FBN2: variants seen among roughly 807,000 people sequenced by gnomAD.
FBN2 encodes fibrillin-2.
A neutral mutation model predicts 355.6 loss-of-function variants in FBN2; 105 were observed. The ratio of observed to expected loss-of-function variants is 0.30; its 90% CI spans 0.25 to 0.35. The LOEUF (loss-of-function observed/expected upper bound fraction) is 0.35, where lower values mean the gene tolerates loss of function less well. Among genes scored for constraint, FBN2 ranks in the 10% least tolerant of loss-of-function variants. The pLI is 1.00. For missense variants in FBN2, 3,280 were observed against 3,758.7 expected (o/e 0.87, Z 3.33); for synonymous variants, 1,350 against 1,301.2 (o/e 1.04, Z -0.81).
At chr5:128,287,612 C>A (rs781646411) in intron 53 of FBN2, among the ~76,000 whole-genome samples, 182 bp from the exon 54 acceptor site, 3 of 152,086 alleles carry the variant, frequency 2.0e-5, no homozygotes, top group African/African-American at 7.2e-5. Context: ...CTATAAACTC[C>A]GGAAAGAATA....
intron 55 of FBN2, among the ~76,000 whole-genome samples, chr5:128,285,094 G>A (rs905888376): frequency 8.5e-5 from 13 of 152,236 alleles, no homozygotes; most frequent in East Asian, 1.9e-4. Context: ...TCAAGTTTCC[G>A]TCTCTGATTA....
chr5:128,536,413 T>TG lies in FBN2; in HGVS notation c.325dup (p.Gln109ProfsTer8). Reference sequence around the variant, plus strand: ...TGCCAAGCACTCACGGACAATGCACTGGTTTCCTCCAGGGAGCGTCTTCCA... The same window carrying TG: ...TGCCAAGCACTCACGGACAATGCACTGGGTTTCCTCCAGGGAGCGTCTTCCA... On this transcript the variant is annotated frameshift_variant, in exon 2 of 65. Coordinates refer to ENST00000262464, the MANE Select transcript of FBN2 (RefSeq NM_001999.4). LOFTEE classifies it high-confidence loss of function. 1 of 1,613,982 alleles carries TG rather than the reference T, an allele frequency of 6.2e-7. No individual in the cohort carries two copies. Among genetic ancestry groups the TG allele is most frequent in the Non-Finnish European group, 8.5e-7 (1 of 1,179,922 alleles).
In FBN2 at chr5:128,303,007, TG is replaced by T; in HGVS notation, c.5882del (p.Pro1961GlnfsTer14). The T allele has an allele frequency of 6.2e-7, 1 of 1,609,604 alleles. No homozygotes were observed. Among genetic ancestry groups the T allele is most frequent in the Non-Finnish European group, 8.5e-7 (1 of 1,175,966 alleles). On this transcript the variant is annotated frameshift_variant, in exon 46 of 65. Coordinates refer to ENST00000262464, the MANE Select transcript of FBN2 (RefSeq NM_001999.4). LOFTEE classifies it high-confidence loss of function. Reference sequence around the variant, plus strand: ...CATTATTATGAGTGAGTTCAAACCCTGGGTAGCACAGACAGTTATAGGATCC... The same window carrying T: ...CATTATTATGAGTGAGTTCAAACCCTGGTAGCACAGACAGTTATAGGATCC... ...TVGSYNCLCYPGFELTHNNDC... is the reference protein window; with the variant it reads ...TVGSYNCLCYXGFELTHNNDC...
intron 4 of FBN2, among the ~76,000 whole-genome samples, chr5:128,521,314 G>T (rs1043593138): frequency 1.8e-4 from 27 of 152,204 alleles, no homozygotes; most frequent in African/African-American, 6.5e-4. Flanking sequence ...GGAACTGAAC[G>T]ATGAGAACAC....
intron 7 of FBN2, among the ~76,000 whole-genome samples, chr5:128,430,958 C>T (rs766253758): frequency 5.3e-5 from 8 of 152,156 alleles, no homozygotes; most frequent in Non-Finnish European, 8.8e-5. Flanking sequence ...ACTCATATCC[C>T]ATGTAGTGTA....
At chr5:128,440,145 T>C (rs1356095301) in intron 7 of FBN2, among the ~76,000 whole-genome samples, 3 of 152,234 alleles carry the variant, frequency 2.0e-5, no homozygotes, top group African/African-American at 4.8e-5. Flanking sequence ...TGTTTTAGTA[T>C]CTAAAATGTC....
rs951214251 is a variant in FBN2, at chr5:128,269,462, A to G, written c.7960+2537T>C. On this transcript the variant is annotated intron_variant, in intron 62 of 64. Coordinates refer to ENST00000262464, the MANE Select transcript of FBN2 (RefSeq NM_001999.4). ...CGACAGAGTGAGACTCCACCCCAAA[A>G]AAAAAACAAAAACCCAACAAACCAT... 5.9e-5 allele frequency among the ~76,000 whole-genome samples: 9 copies of G among 151,486 alleles called. No individual in the cohort carries two copies. The South Asian group carries it at 1.9e-3, about 32-fold the overall frequency.
At chr5:128,379,368 CT>C (rs574396360) in intron 11 of FBN2, among the ~76,000 whole-genome samples, 4 of 151,732 alleles carry the variant, frequency 2.6e-5, no homozygotes, top group Admixed American at 6.6e-5. Context: ...TTTGGTATAA[CT>C]TTTTTTTGGT....
intron 2 of FBN2, among the ~76,000 whole-genome samples, chr5:128,531,011 C>T (rs1013374189): frequency 2.6e-5 from 4 of 152,092 alleles, no homozygotes; most frequent in African/African-American, 9.7e-5. Context: ...TACTGGGTAT[C>T]TACCCAGAGG....
intron 17 of FBN2, 120 bp from the exon 18 acceptor site, chr5:128,364,845 GCC>G: frequency 1.2e-6 from 1 of 849,468 alleles, no homozygotes; most frequent in Non-Finnish European, 1.9e-6. Flanking sequence ...CTCACAATTT[GCC>G]TGCCTTTCAG....
chr5:128,465,543 G>C (rs1047162331), intron 5 of FBN2, among the ~76,000 whole-genome samples: 2 of 152,328 alleles, frequency 1.3e-5, no homozygotes, highest in South Asian at 2.1e-4. Context: ...TAAACTGCCT[G>C]TAAATATTCA....
chr5:128,493,565 G>A (rs1009430286), intron 5 of FBN2, among the ~76,000 whole-genome samples: 1 of 151,988 alleles, frequency 6.6e-6, no homozygotes, highest in South Asian at 2.1e-4. Context: ...CCTTCATAAA[G>A]GGCCTTCTAT....
intron 7 of FBN2, among the ~76,000 whole-genome samples, chr5:128,411,567 C>T (rs1036822877): frequency 6.6e-6 from 1 of 152,208 alleles, no homozygotes; most frequent in African/African-American, 2.4e-5. Flanking sequence ...CTCTTCTCCT[C>T]TCGACATTCA....
At chr5:128,431,250 G>C (rs1296286224) in intron 7 of FBN2, among the ~76,000 whole-genome samples, 1 of 152,210 alleles carries the variant, frequency 6.6e-6, no homozygotes, top group African/African-American at 2.4e-5. Context: ...AAAATAATAA[G>C]ATCCTGAGTT....
chr5:128,372,815 T>C (rs940654210), intron 15 of FBN2, among the ~76,000 whole-genome samples: 1 of 152,064 alleles, frequency 6.6e-6, no homozygotes, highest in African/African-American at 2.4e-5. Flanking sequence ...TTTGCAGAGA[T>C]AGGGTTTTAC....
intron 8 of FBN2, among the ~76,000 whole-genome samples, chr5:128,401,508 C>A (rs1407238058): frequency 2.0e-5 from 3 of 152,126 alleles, no homozygotes; most frequent in African/African-American, 7.2e-5. Flanking sequence ...GCTGGCTGGG[C>A]ACAGTGGCTC....
chr5:128,349,466 T>C lies in FBN2; in HGVS notation c.2870A>G (p.Asn957Ser). 1 of 1,613,940 alleles carries C rather than the reference T, an allele frequency of 6.2e-7. No homozygotes were observed. Among genetic ancestry groups the C allele is most frequent in the East Asian group, 2.2e-5 (1 of 44,866 alleles). The change falls in exon 23 of 65, where the codon AAT becomes AGT. Residue 957 changes from asparagine (N) to serine (S), a missense_variant. Coordinates refer to ENST00000262464, the MANE Select transcript of FBN2 (RefSeq NM_001999.4). Reference protein sequence around the residue: ...RIKGVTCEDVNECEVFPGVCP... With the variant: ...RIKGVTCEDVSECEVFPGVCP... Reference sequence around the variant, plus strand: ...AACGCCAGGGAACACCTCACACTCATTAACATCTGCAGGGAAATGCAGCAA... The same window carrying C: ...AACGCCAGGGAACACCTCACACTCACTAACATCTGCAGGGAAATGCAGCAA...
rs151138702 is a variant in FBN2 at position 128,425,010 on chromosome 5, C to G, written c.953-16211G>C. On this transcript the variant is annotated intron_variant, in intron 7 of 64. Coordinates refer to ENST00000262464, the MANE Select transcript of FBN2 (RefSeq NM_001999.4). ...CAGTAGTTTTTCTTTCTCTCTTTTCCTTTTCCTTTTTTTTTTTTTCTCTCT... is the reference window on the plus strand; with the variant it reads ...CAGTAGTTTTTCTTTCTCTCTTTTCGTTTTCCTTTTTTTTTTTTTCTCTCT... Among the ~76,000 whole-genome samples, 953 of 139,928 alleles carry G rather than the reference C, an allele frequency of 6.8e-3. 12 individuals are homozygous for G. The highest frequency in any genetic ancestry group is 0.026 in the African/African-American group (893 of 34,692). 91.8% of individuals were successfully genotyped at this position (139,928 alleles called of 152,430 possible). A position where few individuals can be genotyped will look rare whatever the true frequency, so the allele number is the denominator to read the frequency against.
rs1422440407 is a variant in FBN2, at chr5:128,318,268, A to G, written c.4598T>C (p.Ile1533Thr). ...LDRTGGNCTD[I>T]DECADPINCV... is the part of the protein sequence containing the mutation. ...GTTTATAGGATCTGCACACTCATCA[A>G]TATCTAGGAGAAGCATTTAAAATGC... The change falls in exon 36 of 65, where the codon ATT (isoleucine) becomes ACT (threonine). Residue 1533 changes from isoleucine to threonine, a missense_variant. Ile to Thr is a moderately conservative substitution (Grantham distance 89, BLOSUM62 -1). Around this residue, in one of 6 missense-constraint regions of FBN2, gnomAD observed 2,284 missense variants for 2,749.5 expected, o/e 0.83. Coordinates refer to ENST00000262464, the MANE Select transcript of FBN2 (RefSeq NM_001999.4). 1.9e-6 allele frequency: 3 copies of G among 1,614,104 alleles called. No homozygotes were observed. Among genetic ancestry groups the G allele is most frequent in the South Asian group, 2.2e-5 (2 of 91,080 alleles).
Sources: gnomAD v4.1 joint callset for allele counts (sites outside exome capture counted in the v4.1 genomes callset) on GRCh38, gnomAD v4.1.1 for gene constraint, gnomAD v4.1.1 regional missense constraint, MANE v1.5 for transcripts, NCBI Gene and HGNC (gene_info 2026-07-23, HGNC 2026-07-21) for gene names.